The following DAB1 variants were observed in gnomAD, a reference collection of about 807,000 sequenced individuals.
The protein encoded by DAB1 is DAB adaptor protein 1.
Under a neutral mutation model 64.6 loss-of-function variants are expected in DAB1, and 15 were observed. That is an observed-to-expected ratio of 0.23 (90% CI 0.16 to 0.36). The LOEUF (loss-of-function observed/expected upper bound fraction) is 0.36. Among genes scored for constraint, DAB1 ranks in the 10% least tolerant of loss-of-function variants. The pLI, the probability that DAB1 is intolerant of heterozygous loss-of-function variation, is 1.00. For synonymous variants in DAB1, 235 were observed against 251.9 expected, an observed-to-expected ratio of 0.93 and a Z score of 0.64; for missense variants, 596 against 706.7, an observed-to-expected ratio of 0.84 and a Z score of 1.78.
intron 2 of DAB1, among the ~76,000 whole-genome samples, chr1:57,218,696 T>C (rs1666629520): frequency 6.6e-6 from 1 of 152,042 alleles, no homozygotes; most frequent in Non-Finnish European, 1.5e-5. Flanking sequence ...ATAATCCATA[T>C]TTTAGCACAT....
chr1:58,277,831 G>A (rs1270512306), intron 4 of DAB1, among the ~76,000 whole-genome samples: 1 of 152,174 alleles, frequency 6.6e-6, no homozygotes, highest in Non-Finnish European at 1.5e-5. Context: ...TGAGCCGCCA[G>A]AGCAGTTTAT....
At chr1:57,156,053 G>T (rs1660192093) in intron 2 of DAB1, among the ~76,000 whole-genome samples, 1 of 152,028 alleles carries the variant, frequency 6.6e-6, no homozygotes, top group African/African-American at 2.4e-5. Flanking sequence ...GAACCCTGTA[G>T]GCTGCTGTCT....
chr1:57,593,038 A>G (rs769721880), intron 7 of DAB1, among the ~76,000 whole-genome samples: 1 of 152,214 alleles, frequency 6.6e-6, no homozygotes, highest in African/African-American at 2.4e-5. Flanking sequence ...GTAAGTGCAC[A>G]GTTCAGTGGC....
intron 5 of DAB1, 52 bp downstream of exon 5, chr1:57,072,231 T>C (rs1651548509): frequency 1.2e-6 from 2 of 1,604,904 alleles, no homozygotes; most frequent in Non-Finnish European, 1.7e-6. Flanking sequence ...GTCACTGGAC[T>C]GTCCCCCCAG....
chr1:58,508,769 C>T (rs560832566), intron 2 of DAB1, among the ~76,000 whole-genome samples: 2 of 152,180 alleles, frequency 1.3e-5, no homozygotes, highest in South Asian at 2.1e-4. Context: ...CAAGCAGTTG[C>T]CATGACCACT....
intron 4 of DAB1, among the ~76,000 whole-genome samples, chr1:57,134,194 G>A (rs1385974366): frequency 1.3e-5 from 2 of 152,130 alleles, no homozygotes; most frequent in East Asian, 3.9e-4. Context: ...CTGATAAACA[G>A]AAACCACCTC....
At chr1:58,346,942 G>C (rs1462900301) in intron 3 of DAB1, among the ~76,000 whole-genome samples, 1 of 152,174 alleles carries the variant, frequency 6.6e-6, no homozygotes, top group African/African-American at 2.4e-5. Flanking sequence ...TCTATTAGCT[G>C]TTTGACTTTG....
At position 57,250,206 on chromosome 1, in the gene DAB1, T is replaced by G. The variant is rs536976877; in HGVS notation, c.67+40758A>C. 1.2e-4 allele frequency among the ~76,000 whole-genome samples: 18 copies of G among 152,306 alleles called. No individual in the cohort carries two copies. In the South Asian group the frequency reaches 3.7e-3, roughly 32 times the overall value. On this transcript the variant is annotated intron_variant, in intron 2 of 14. Transcript: ENST00000371236. ...CCTTGCCCAGATTAATCAGATTCCT[T>G]GCCATGGACCATGTGGTTTGTGGGA...
At chr1:58,496,186 T>C (rs1333569407) in intron 3 of DAB1, among the ~76,000 whole-genome samples, 3 of 152,128 alleles carry the variant, frequency 2.0e-5, no homozygotes, top group Non-Finnish European at 2.9e-5. Flanking sequence ...TTTTTGGCTT[T>C]GGGCATTTTA....
chr1:58,148,455 TG>T (rs1278240767), intron 5 of DAB1, among the ~76,000 whole-genome samples: 1 of 152,246 alleles, frequency 6.6e-6, no homozygotes, highest in Admixed American at 6.5e-5. Context: ...GTCTGCCTCT[TG>T]ACTTTGTGAA....
chr1:57,309,844 G>T (rs1240642182), intron 1 of DAB1, among the ~76,000 whole-genome samples: 9 of 152,206 alleles, frequency 5.9e-5, no homozygotes, highest in African/African-American at 1.9e-4. Context: ...GAAGGACAAA[G>T]TACACAGCTG....
intron 5 of DAB1, among the ~76,000 whole-genome samples, chr1:58,020,296 G>A (rs1646797810): frequency 6.6e-6 from 1 of 152,120 alleles, no homozygotes; most frequent in Non-Finnish European, 1.5e-5. Flanking sequence ...AATACCTGAA[G>A]TGCTTAAACA....
intron 7 of DAB1, among the ~76,000 whole-genome samples, chr1:57,555,981 T>C (rs1644983696): frequency 6.6e-6 from 1 of 152,214 alleles, no homozygotes; most frequent in African/African-American, 2.4e-5. Flanking sequence ...ATATTTTGTG[T>C]CACAATATCT....
At chr1:58,452,067 G>A (rs527920529) in intron 3 of DAB1, among the ~76,000 whole-genome samples, 7 of 151,878 alleles carry the variant, frequency 4.6e-5, no homozygotes, top group Non-Finnish European at 1.0e-4. Flanking sequence ...TGAGTGGCTG[G>A]GATTACAGGT....
At chr1:57,939,285 GT>G (rs1485061294) in intron 5 of DAB1, among the ~76,000 whole-genome samples, 1 of 152,072 alleles carries the variant, frequency 6.6e-6, no homozygotes, top group African/African-American at 2.4e-5. Flanking sequence ...ACTCAATTAT[GT>G]CCCCAAAGTC....
intron 3 of DAB1, chr1:58,468,812 G>A (rs1368298890): frequency 6.2e-6 from 1 of 160,298 alleles, no homozygotes; most frequent in South Asian, 2.0e-4. Flanking sequence ...CAGCTCTAGT[G>A]CCCCTGCTAT....
chr1:57,309,622 A>G (rs1674500500), intron 1 of DAB1, among the ~76,000 whole-genome samples: 1 of 152,194 alleles, frequency 6.6e-6, no homozygotes, highest in Admixed American at 6.5e-5. Context: ...GCAAGAAAGA[A>G]CTCAGACACA....
intron 5 of DAB1, among the ~76,000 whole-genome samples, chr1:58,074,113 T>C (rs952037278): frequency 2.0e-5 from 3 of 152,080 alleles, no homozygotes; most frequent in African/African-American, 7.2e-5. Context: ...TCTCTTTGAG[T>C]TGGGTTTTCT....
chr1:57,027,555 C>A (rs1018588409), intron 9 of DAB1, among the ~76,000 whole-genome samples: 4 of 152,206 alleles, frequency 2.6e-5, no homozygotes, highest in Non-Finnish European at 5.9e-5. Flanking sequence ...TAGCTACCCC[C>A]CAACAGGGGG....
Sources: gnomAD v4.1 joint callset for allele counts (sites outside exome capture counted in the v4.1 genomes callset) on GRCh38, gnomAD v4.1.1 for gene constraint, MANE v1.5 for transcripts, NCBI Gene and HGNC (gene_info 2026-07-23, HGNC 2026-07-21) for gene names.